CELA1: variants seen among roughly 807,000 people sequenced by gnomAD.
CELA1 encodes chymotrypsin like elastase 1.
Under a neutral mutation model 34.8 loss-of-function variants are expected in CELA1, and 28 were observed. The ratio of observed to expected loss-of-function variants is 0.80; its 90% CI spans 0.60 to 1.10. CELA1 has a LOEUF of 1.10. CELA1 is among the 50% of genes least tolerant of loss of function. The pLI, the probability that CELA1 is intolerant of heterozygous loss-of-function variation, is 0.00. For synonymous variants in CELA1, 140 were observed against 129.8 expected, an observed-to-expected ratio of 1.08 and a Z score of -0.53; for missense variants, 288 against 327.5, an observed-to-expected ratio of 0.88 and a Z score of 0.93.
intron 4 of CELA1, among the ~76,000 whole-genome samples, chr12:51,342,300 G>T (rs1243879753): frequency 1.3e-5 from 2 of 152,136 alleles, no homozygotes; most frequent in African/African-American, 4.8e-5. Context: ...TTCCCAAAGT[G>T]TTGGGATTAT....
intron 7 of CELA1, among the ~76,000 whole-genome samples, chr12:51,329,308 C>T (rs118102372): frequency 1.3e-5 from 2 of 150,406 alleles, no homozygotes; most frequent in African/African-American, 4.9e-5. Context: ...CTTAGAAAGA[C>T]GTTGTGGGAG....
At chr12:51,332,630 C>T (rs193236069) in intron 6 of CELA1, among the ~76,000 whole-genome samples, 12 of 152,074 alleles carry the variant, frequency 7.9e-5, no homozygotes, top group African/African-American at 1.4e-4. Context: ...TTTGGGAAGC[C>T]GAGGTGGGTG....
intron 3 of CELA1, 108 bp from the exon 4 acceptor site, chr12:51,342,808 G>T: frequency 7.7e-7 from 1 of 1,292,378 alleles, no homozygotes; most frequent in Non-Finnish European, 1.0e-6. Context: ...TTATTATTTA[G>T]GAAATTTTTT....
chr12:51,340,167 A>C (rs12816187), intron 5 of CELA1, among the ~76,000 whole-genome samples, 162 bp from the exon 6 acceptor site: 62,411 of 151,860 alleles, frequency 0.41, 13,278 homozygotes, highest in East Asian at 0.58. Context: ...TTCTCTCTTT[A>C]TATGGCCGCA....
Position 51,342,649 on chromosome 12 carries a change from A to G in CELA1, c.252T>C (p.Asp84=). The change falls in exon 4 of 8, where the codon GAT becomes GAC. Residue 84 remains aspartate, a synonymous_variant. Coordinates refer to ENST00000293636, the MANE Select transcript of CELA1 (RefSeq NM_001971.6). Reference sequence around the variant, plus strand: ...GCACACTCACGTACTGCTCAGTGCCATCATTCTGGCTCAGGTTATGGTCTC... The same window carrying G: ...GCACACTCACGTACTGCTCAGTGCCGTCATTCTGGCTCAGGTTATGGTCTC... ...VAGDHNLSQN[D]GTEQYVSVQK... is the part of the protein sequence containing the mutation. The G allele has an allele frequency of 6.2e-7, 1 of 1,614,156 alleles. No homozygotes were observed. Among genetic ancestry groups the G allele is most frequent in the Non-Finnish European group, 8.5e-7 (1 of 1,180,010 alleles).
At chr12:51,338,794 T>C (rs2137480131) in intron 6 of CELA1, among the ~76,000 whole-genome samples, 1 of 152,316 alleles carries the variant, frequency 6.6e-6, no homozygotes, top group Non-Finnish European at 1.5e-5. Context: ...AGTAGATATA[T>C]AATGAATAGT....
Position 51,328,461 on chromosome 12 carries a change from T to C in CELA1, c.*116A>G. ...GTATGATAATGTATATCTAGTTTTA[T>C]TTGCTTTTCTATCAATGGCTCAATA... On this transcript the variant is annotated 3_prime_UTR_variant, in exon 8 of 8. Transcript: ENST00000293636. 9.1e-7 allele frequency: 1 copy of C among 1,098,260 alleles called. No individual in the cohort carries two copies. The highest frequency in any genetic ancestry group is 1.3e-5 in the South Asian group (1 of 76,976). The allele number at this position is 1,098,260 out of a possible 1,614,324, so 68.0% of individuals were successfully genotyped here. A position where few individuals can be genotyped will look rare whatever the true frequency, so the allele number is the denominator to read the frequency against.
Position 51,341,256 on chromosome 12 carries a change from C to T in CELA1, c.451G>A (p.Gly151Ser), listed in dbSNP as rs372064660. ...NNSPCYITGWGKTKTNGQLAQ... is the reference protein window; with the variant it reads ...NNSPCYITGWSKTKTNGQLAQ... ...GTAGGCAACTTACTCTTGGTCTTGC[C>T]CCAGCCTGTGATGTAGCAGGGACTG... The change falls in exon 5 of 8, where the codon GGC becomes AGC. Residue 151 changes from glycine (G) to serine (S), a missense_variant. By Grantham distance (56) the Gly-to-Ser change is moderately conservative. Coordinates refer to ENST00000293636, the MANE Select transcript of CELA1 (RefSeq NM_001971.6). 23 of 1,614,060 alleles carry T rather than the reference C, an allele frequency of 1.4e-5. No individual in the cohort carries two copies. In the African/African-American group the frequency reaches 2.4e-4, roughly 17 times the overall value.
intron 6 of CELA1, among the ~76,000 whole-genome samples, chr12:51,335,061 C>T (rs1042851591): frequency 1.3e-5 from 2 of 152,168 alleles, no homozygotes; most frequent in African/African-American, 4.8e-5. Context: ...CACCTGCCAA[C>T]GTTCGGCTAC....
In CELA1 at chr12:51,329,756, G is replaced by A; in HGVS notation, c.687C>T (p.Ser229=). 1 of 1,614,012 alleles carries A rather than the reference G, an allele frequency of 6.2e-7. No homozygotes were observed. Among genetic ancestry groups the A allele is most frequent in the Non-Finnish European group, 8.5e-7 (1 of 1,179,978 alleles). ...GCTTCCTGGAGACATTACAGCCCCG[G>A]CTGGACACAAAGCTGGTCACTCCAT... The part of the protein sequence containing the change: ...SVHGVTSFVS[S]RGCNVSRKPT... The change falls in exon 7 of 8, where the codon AGC becomes AGT. Residue 229 remains serine, a synonymous_variant. Coordinates refer to ENST00000293636, the MANE Select transcript of CELA1 (RefSeq NM_001971.6).
Position 51,343,851 on chromosome 12 carries a change from A to T in CELA1, c.102T>A (p.Ile34=). ...AACCTCCAGACCGGTACTGGAGGGA[A>T]ATCTAGATGGGGAGGAAAGAAAGAA... ...EAGRNSWPSQ[I]SLQYRSGGSR... Residue 34 remains isoleucine, a splice_region_variant and synonymous_variant, in exon 3 of 8, where the codon ATT becomes ATA. Transcript: ENST00000293636. The T allele has an allele frequency of 1.3e-6, 2 of 1,542,784 alleles. No homozygotes were observed. The highest frequency in any genetic ancestry group is 2.3e-5 in the South Asian group (2 of 88,752).
rs141068541 is a variant in CELA1 at position 51,342,592 on chromosome 12, G to A, written c.309C>T (p.Ser103=). ...GCTCCTACCCGGCAGCCACGTTATC[G>A]CTGTTCCAGTATGGATGCACCACGA... ...QKIVVHPYWN[S]DNVAAGYDIA... is the part of the protein sequence containing the mutation. The change falls in exon 4 of 8, where the codon AGC becomes AGT. Residue 103 remains serine (S), a synonymous_variant. Transcript: ENST00000293636. 1.3e-4 allele frequency: 204 copies of A among 1,614,156 alleles called. No homozygotes were observed. Among genetic ancestry groups the A allele is most frequent in the African/African-American group, 1.2e-3 (90 of 75,052 alleles).
intron 7 of CELA1, among the ~76,000 whole-genome samples, chr12:51,329,462 A>C (rs1057121833): frequency 6.6e-6 from 1 of 152,092 alleles, no homozygotes; most frequent in Non-Finnish European, 1.5e-5. Flanking sequence ...GCAATAAACA[A>C]TACAGTGAAG....
At chr12:51,344,851 G>A (rs765682142) in intron 2 of CELA1, among the ~76,000 whole-genome samples, 33 of 152,034 alleles carry the variant, frequency 2.2e-4, no homozygotes, top group Non-Finnish European at 3.2e-4. Context: ...GAGGCCAGGC[G>A]CTGTGGCTCA....
At chr12:51,335,017 T>C (rs1421836919) in intron 6 of CELA1, among the ~76,000 whole-genome samples, 1 of 152,192 alleles carries the variant, frequency 6.6e-6, no homozygotes, top group Non-Finnish European at 1.5e-5. Context: ...TGACTCCTCC[T>C]AGTTCATGAG....
At chr12:51,332,712 A>C (rs1020612306) in intron 6 of CELA1, among the ~76,000 whole-genome samples, 4 of 151,930 alleles carry the variant, frequency 2.6e-5, no homozygotes, top group Non-Finnish European at 5.9e-5. Flanking sequence ...TAAAAATACA[A>C]AAAAAATTAG....
At chr12:51,333,407 T>TG (rs1307889071) in intron 6 of CELA1, among the ~76,000 whole-genome samples, 2 of 48,894 alleles carry the variant, frequency 4.1e-5, no homozygotes, top group South Asian at 4.8e-4. Context: ...TTTTTTTTGT[T>TG]TTTTTTTTTT....
chr12:51,329,590 G>C (rs1404180411), intron 7 of CELA1, 94 bp downstream of exon 7: 2 of 1,312,462 alleles, frequency 1.5e-6, no homozygotes, highest in South Asian at 1.5e-5. Flanking sequence ...GAAGATGACG[G>C]CTTGCCCAGT....
In CELA1 at chr12:51,330,564, A is replaced by G. The variant is rs1447725886; in HGVS notation, c.610-731T>C. On this transcript the variant is annotated intron_variant, in intron 6 of 7. Coordinates refer to ENST00000293636, the MANE Select transcript of CELA1 (RefSeq NM_001971.6). ...CAGATCACCTGACAGAGAATCCACT[A>G]TTGATGAACCCCATCTAAGGCTCAG... Among the ~76,000 whole-genome samples, 6 of 152,230 alleles carry G rather than the reference A, an allele frequency of 3.9e-5. No homozygotes were observed. In the East Asian group the frequency reaches 9.6e-4, roughly 24 times the overall value.
Sources: gnomAD v4.1 joint callset for allele counts (sites outside exome capture counted in the v4.1 genomes callset) on GRCh38, gnomAD v4.1.1 for gene constraint, MANE v1.5 for transcripts, NCBI Gene and HGNC (gene_info 2026-07-23, HGNC 2026-07-21) for gene names.